The following GOPC variants were observed in gnomAD, a reference collection of about 807,000 sequenced individuals.
The protein encoded by GOPC is Golgi-associated PDZ and coiled-coil motif-containing protein.
Under a neutral mutation model 51.2 loss-of-function variants are expected in GOPC, and 32 were observed. The observed-to-expected ratio is 0.63, with a 90% CI of 0.47 to 0.84. GOPC has a LOEUF of 0.84. Among genes scored for constraint, GOPC ranks in the 40% least tolerant of loss-of-function variants. The pLI is 0.00. For missense variants in GOPC, 441 were observed against 555.5 expected (o/e 0.79, Z 2.07); for synonymous variants, 190 against 205.1 (o/e 0.93, Z 0.63).
At position 117,602,034 on chromosome 6, in the gene GOPC, C is replaced by T. The variant is rs1457109436; in HGVS notation, c.255G>A (p.Gln85=). The T allele has an allele frequency of 1.2e-6, 2 of 1,614,218 alleles. No individual in the cohort carries two copies. The highest frequency in any genetic ancestry group is 4.5e-5 in the East Asian group (2 of 44,876). ...SCFAQLCHKA[Q]SVSQINHKLE... is the part of the protein sequence containing the mutation. Reference sequence around the variant, plus strand: ...GCTTGTGGTTGATTTGAGACACAGACTGGGCTTTGTGGCAAAGCTGTGCAA... The same window carrying T: ...GCTTGTGGTTGATTTGAGACACAGATTGGGCTTTGTGGCAAAGCTGTGCAA... Residue 85 remains glutamine (Q), a synonymous_variant, in exon 1 of 9, where the codon CAG becomes CAA. Coordinates refer to ENST00000368498, the MANE Select transcript of GOPC (RefSeq NM_020399.4).
intron 6 of GOPC, 75 bp from the exon 7 acceptor site, chr6:117,569,811 A>G: frequency 7.1e-7 from 1 of 1,407,088 alleles, no homozygotes; most frequent in African/African-American, 1.5e-5. Flanking sequence ...GAGATAAAAT[A>G]TTTTCTTAAA....
At chr6:117,598,213 A>G (rs1780230532) in intron 1 of GOPC, among the ~76,000 whole-genome samples, 1 of 147,514 alleles carries the variant, frequency 6.8e-6, no homozygotes, top group South Asian at 2.1e-4. Flanking sequence ...AAAAAAAAAT[A>G]AAATAGAAAA....
intron 1 of GOPC, among the ~76,000 whole-genome samples, chr6:117,599,384 A>G (rs775334468): frequency 5.3e-5 from 8 of 152,226 alleles, no homozygotes; most frequent in Non-Finnish European, 1.2e-4. Context: ...CAAGCTTTCA[A>G]ACAATATATG....
At chr6:117,585,190 TCA>T (rs1780012221) in intron 1 of GOPC, among the ~76,000 whole-genome samples, 1 of 152,240 alleles carries the variant, frequency 6.6e-6, no homozygotes, top group Admixed American at 6.5e-5. Flanking sequence ...ATTTTTTTAT[TCA>T]CAGTTTCCTA....
intron 8 of GOPC, among the ~76,000 whole-genome samples, chr6:117,564,811 T>C (rs1321543124): frequency 1.3e-5 from 2 of 152,172 alleles, no homozygotes; most frequent in Non-Finnish European, 2.9e-5. Context: ...ATTAAGGTTT[T>C]GACATACTGC....
intron 3 of GOPC, among the ~76,000 whole-genome samples, chr6:117,577,096 G>C (rs1300464115): frequency 2.0e-5 from 3 of 152,120 alleles, no homozygotes; most frequent in African/African-American, 7.2e-5. Flanking sequence ...AGAAACTTAA[G>C]GGGGTTAAAA....
chr6:117,601,941 G>T, intron 1 of GOPC, 63 bp downstream of exon 1: 79 of 1,521,544 alleles, frequency 5.2e-5, no homozygotes, highest in Non-Finnish European at 5.8e-5. Flanking sequence ...AGCGTTAAAT[G>T]GCATCTGACG....
In GOPC at chr6:117,573,347, C is replaced by A. The variant is rs539284305; in HGVS notation, c.816+120G>T. On this transcript the variant is annotated intron_variant, in intron 5 of 8. Coordinates refer to ENST00000368498, the MANE Select transcript of GOPC (RefSeq NM_020399.4). The stretch of plus-strand genomic sequence containing the variant: ...CATCTACTTTGAATAAGTTGAATCC[C>A]ATTTTCACTTTTAAATAAAGGTTTC... 3.7e-5 allele frequency: 43 copies of A among 1,153,524 alleles called. No individual in the cohort carries two copies. The South Asian group carries it at 7.7e-4, about 21-fold the overall frequency. The allele number at this position is 1,153,524 out of a possible 1,614,324, so 71.5% of individuals were successfully genotyped here. A position where few individuals can be genotyped will look rare whatever the true frequency, so the allele number is the denominator to read the frequency against.
In GOPC at chr6:117,569,663, C is replaced by T; in HGVS notation, c.986G>A (p.Gly329Glu). ...HPGQPADRCG[G>E]LHVGDAILAV... Reference sequence around the variant, plus strand: ...CAAAATAGCATCCCCAACGTGCAGCCCTCCGCATCTATCAGCAGGTTGCCC... The same window carrying T: ...CAAAATAGCATCCCCAACGTGCAGCTCTCCGCATCTATCAGCAGGTTGCCC... The change falls in exon 7 of 9, where the codon GGG (glycine) becomes GAG (glutamate). Residue 329 changes from glycine to glutamate, a missense_variant. This residue lies in a region of GOPC where 166 missense variants were observed against 267.0 expected (regional missense o/e 0.62). Coordinates refer to ENST00000368498, the MANE Select transcript of GOPC (RefSeq NM_020399.4). The T allele has an allele frequency of 6.2e-7, 1 of 1,611,768 alleles. No homozygotes were observed. Among genetic ancestry groups the T allele is most frequent in the South Asian group, 1.1e-5 (1 of 90,400 alleles).
At chr6:117,582,309 CAT>C (rs1554194933) in intron 1 of GOPC, among the ~76,000 whole-genome samples, 10 of 146,058 alleles carry the variant, frequency 6.8e-5, no homozygotes, top group East Asian at 6.0e-4. Flanking sequence ...CACACACACA[CAT>C]TGATAGAGGC....
rs71012364 is a variant in GOPC, at chr6:117,582,273, T to TACACACACACAC, written c.286-3221_286-3210dup. Among the ~76,000 whole-genome samples the TACACACACACAC allele has an allele frequency of 2.8e-3, 335 of 119,210 alleles. 3 individuals are homozygous for TACACACACACAC. The highest frequency in any genetic ancestry group is 8.1e-3 in the African/African-American group (243 of 29,890). 78.2% of individuals were successfully genotyped at this position (119,210 alleles called of 152,430 possible). On this transcript the variant is annotated intron_variant, in intron 1 of 8. Transcript: ENST00000368498. ...CCCTCCCTCCCTCTGCCTCCCCCCC[T>TACACACACACAC]ACACACACACACACACACACACACA... is the stretch of plus-strand genomic sequence containing the variant.
At chr6:117,575,475 C>CA (rs1779867151) in intron 3 of GOPC, 123 bp from the exon 4 acceptor site, 1 of 815,794 alleles carries the variant, frequency 1.2e-6, no homozygotes, top group Non-Finnish European at 2.1e-6. Context: ...AAATGGAACA[C>CA]AAAGATCTGG....
chr6:117,588,772 T>C (rs1174349915), intron 1 of GOPC, among the ~76,000 whole-genome samples: 2 of 150,214 alleles, frequency 1.3e-5, no homozygotes, highest in African/African-American at 4.8e-5. Flanking sequence ...ACATTTATAC[T>C]TTTTTTATAT....
intron 1 of GOPC, among the ~76,000 whole-genome samples, chr6:117,582,118 CAT>C (rs1462377439): frequency 6.6e-6 from 1 of 151,756 alleles, no homozygotes; most frequent in Non-Finnish European, 1.5e-5. Context: ...ACTGCCTTTT[CAT>C]ATGTTTATTG....
chr6:117,567,663 A>G (rs980653419), intron 7 of GOPC, among the ~76,000 whole-genome samples: 4 of 152,044 alleles, frequency 2.6e-5, no homozygotes, highest in Non-Finnish European at 4.4e-5. Context: ...CTATATTTAT[A>G]TATTTACTAT....
At chr6:117,580,580 C>G (rs1779943045) in intron 1 of GOPC, among the ~76,000 whole-genome samples, 3 of 151,998 alleles carry the variant, frequency 2.0e-5, no homozygotes, top group Admixed American at 2.0e-4. Flanking sequence ...ATTCTATGCC[C>G]TAAGTGACAT....
Position 117,602,220 on chromosome 6 carries a change from C to A in GOPC, c.69G>T (p.Gly23=). 1 of 1,607,058 alleles carries A rather than the reference C, an allele frequency of 6.2e-7. No individual in the cohort carries two copies. Among genetic ancestry groups the A allele is most frequent in the Non-Finnish European group, 8.5e-7 (1 of 1,179,962 alleles). ...GGAACATGGATACCCCGCCAGGGGCCCCCACGGAGCAGGAGGCGCCCCCTG... is the reference window on the plus strand; with the variant it reads ...GGAACATGGATACCCCGCCAGGGGCACCCACGGAGCAGGAGGCGCCCCCTG... ...GGPGGASCSV[G]APGGVSMFRW... Residue 23 remains glycine, a synonymous_variant, in exon 1 of 9, where the codon GGG becomes GGT. Coordinates refer to ENST00000368498, the MANE Select transcript of GOPC (RefSeq NM_020399.4).
At chr6:117,569,779 G>C in intron 6 of GOPC, 43 bp from the exon 7 acceptor site, 3 of 1,518,654 alleles carry the variant, frequency 2.0e-6, no homozygotes, top group Non-Finnish European at 2.6e-6. Flanking sequence ...CTCTTTGTAA[G>C]GTACAGTTAC....
At chr6:117,567,121 G>C (rs1779714413) in intron 7 of GOPC, 87 bp from the exon 8 acceptor site, 2 of 913,796 alleles carry the variant, frequency 2.2e-6, no homozygotes, top group Non-Finnish European at 3.2e-6. Context: ...GAAGGCTTAG[G>C]GGTAGAGAGA....
Sources: gnomAD v4.1 joint callset for allele counts (sites outside exome capture counted in the v4.1 genomes callset) on GRCh38, gnomAD v4.1.1 for gene constraint, gnomAD v4.1.1 regional missense constraint, MANE v1.5 for transcripts, NCBI Gene and HGNC (gene_info 2026-07-23, HGNC 2026-07-21) for gene names.